STK33: variants seen among roughly 807,000 people sequenced by gnomAD.
The protein encoded by STK33 is serine/threonine kinase 33.
Under a neutral mutation model 58.0 loss-of-function variants are expected in STK33, and 52 were observed. That is an observed-to-expected ratio of 0.90 (90% CI 0.72 to 1.13). The LOEUF is 1.13. Among genes scored for constraint, STK33 ranks in the 50% most tolerant of loss-of-function variants. STK33 has a pLI of 0.00. For missense variants in STK33, 630 were observed against 604.2 expected (o/e 1.04, Z -0.45); for synonymous variants, 215 against 200.1 (o/e 1.07, Z -0.63).
chr11:8,492,772 T>C (rs1042606155), intron 1 of STK33, among the ~76,000 whole-genome samples: 1 of 152,074 alleles, frequency 6.6e-6, no homozygotes, highest in East Asian at 1.9e-4. Flanking sequence ...GCAATCAAAT[T>C]AGAACTCAGG....
intron 1 of STK33, among the ~76,000 whole-genome samples, chr11:8,558,940 C>G (rs1259374820): frequency 6.6e-6 from 1 of 152,206 alleles, no homozygotes; most frequent in Non-Finnish European, 1.5e-5. Context: ...GCACTCATTT[C>G]CCATTCCTCA....
intron 1 of STK33, among the ~76,000 whole-genome samples, chr11:8,580,571 T>C (rs2029960918): frequency 6.6e-6 from 1 of 152,080 alleles, no homozygotes; most frequent in Non-Finnish European, 1.5e-5. Flanking sequence ...CACAACAGGA[T>C]GACTATAGTC....
chr11:8,514,664 G>A (rs1301473756), intron 1 of STK33, among the ~76,000 whole-genome samples: 3 of 152,180 alleles, frequency 2.0e-5, no homozygotes, highest in African/African-American at 4.8e-5. Flanking sequence ...TTGAGTTGAC[G>A]TGATCCTGGA....
At chr11:8,376,688 C>T in the STK33 span, among the ~76,000 whole-genome samples, 2 of 152,000 alleles carry the variant, frequency 1.3e-5, no homozygotes, top group African/African-American at 4.8e-5. Flanking sequence ...ACTACAGGCA[C>T]CAGCCACCAT....
At chr11:8,415,468 T>C (rs1940980139) in intron 14 of STK33, among the ~76,000 whole-genome samples, 1 of 152,148 alleles carries the variant, frequency 6.6e-6, no homozygotes, top group Non-Finnish European at 1.5e-5. Context: ...ATGCAATTCA[T>C]CATGTTTCCA....
Position 8,392,659 on chromosome 11 carries a change from T to A in STK33, c.1396A>T (p.Met466Leu). 3.7e-6 allele frequency: 6 copies of A among 1,614,234 alleles called. No homozygotes were observed. Among genetic ancestry groups the A allele is most frequent in the Non-Finnish European group, 5.1e-6 (6 of 1,180,050 alleles). Reference protein sequence around the residue: ...FPATSKDNFDMCSSSFTSSKL... With the variant: ...FPATSKDNFDLCSSSFTSSKL... The stretch of plus-strand genomic sequence containing the variant: ...CTAGATGTGAAACTTGAACTGCACA[T>A]ATCAAAGTTGTCCTTACTGGTTGCA... The change falls in exon 16 of 16, where the codon ATG (methionine) becomes TTG (leucine). Residue 466 changes from methionine (M) to leucine (L), a missense_variant. By Grantham distance (15) the Met-to-Leu change is conservative. Transcript: ENST00000687296.
Position 8,424,503 on chromosome 11 carries a change from C to A in STK33, c.1147-10811G>T, listed in dbSNP as rs189446892. 2.0e-3 allele frequency among the ~76,000 whole-genome samples: 310 copies of A among 151,870 alleles called. 2 individuals are homozygous for A. The highest frequency in any genetic ancestry group is 7.0e-3 in the African/African-American group (289 of 41,424). On this transcript the variant is annotated intron_variant, in intron 14 of 15. Coordinates refer to ENST00000687296, the MANE Select transcript of STK33 (RefSeq NM_001352389.2). ...ATTTATAATCCTTTGGGTATATACC[C>A]AGTAATGGGATTGCTGGGTCAAATG...
chr11:8,473,747 T>C (rs1373309593), intron 5 of STK33, among the ~76,000 whole-genome samples: 2 of 152,066 alleles, frequency 1.3e-5, no homozygotes, highest in Non-Finnish European at 2.9e-5. Context: ...AAATCAGAAA[T>C]AACAGTCAAG....
intron 9 of STK33, 84 bp downstream of exon 9, chr11:8,457,251 ATATGAC>A: frequency 8.3e-7 from 1 of 1,197,938 alleles, no homozygotes; most frequent in Non-Finnish European, 1.1e-6. Context: ...GGTGTTATTT[ATATGAC>A]TATGAATCTG....
At chr11:8,536,972 A>ACT (rs1565305538) in intron 1 of STK33, among the ~76,000 whole-genome samples, 1 of 65,734 alleles carries the variant, frequency 1.5e-5, no homozygotes, top group South Asian at 7.6e-4. Flanking sequence ...AAAAAAAAAG[A>ACT]TTTTTTTTTT....
chr11:8,392,629 G>T lies in STK33; in HGVS notation c.1426C>A (p.Leu476Ile), dbSNP rs1848726500. 1 of 1,614,238 alleles carries T rather than the reference G, an allele frequency of 6.2e-7. No homozygotes were observed. The highest frequency in any genetic ancestry group is 1.3e-5 in the African/African-American group (1 of 75,052). Reference sequence around the variant, plus strand: ...TCTCCCTTGATTTCAGCTGGAAGGAGTTTGCTAGATGTGAAACTTGAACTG... The same window carrying T: ...TCTCCCTTGATTTCAGCTGGAAGGATTTTGCTAGATGTGAAACTTGAACTG... ...MCSSSFTSSK[L>I]LPAEIKGEME... Residue 476 changes from leucine to isoleucine, a missense_variant, in exon 16 of 16, where the codon CTC becomes ATC. Coordinates refer to ENST00000687296, the MANE Select transcript of STK33 (RefSeq NM_001352389.2).
chr11:8,388,588 T>G (rs1044045074), downstream of STK33, among the ~76,000 whole-genome samples: 2 of 152,206 alleles, frequency 1.3e-5, no homozygotes, highest in African/African-American at 2.4e-5. Flanking sequence ...GTGATTTCAG[T>G]GCTTGTAGAG....
At chr11:8,444,814 C>G (rs956167335) in intron 11 of STK33, among the ~76,000 whole-genome samples, 1 of 151,852 alleles carries the variant, frequency 6.6e-6, no homozygotes, top group South Asian at 2.1e-4. Context: ...AGCAGCAGAA[C>G]CAAAAAATTT....
intron 1 of STK33, among the ~76,000 whole-genome samples, chr11:8,582,625 C>T (rs80056492): frequency 2.0e-5 from 3 of 152,130 alleles, no homozygotes; most frequent in Admixed American, 6.6e-5. Flanking sequence ...TCCCTTGATA[C>T]GTGGGGATTA....
rs77081450 is a variant in STK33, at chr11:8,392,386, G to A, written c.*124C>T. The A allele has an allele frequency of 0.055, 60,410 of 1,094,364 alleles. 1,972 individuals carry two copies. Among genetic ancestry groups the A allele is most frequent in the South Asian group, 0.06 (4,047 of 67,138 alleles). The allele number at this position is 1,094,364 out of a possible 1,614,324, so 67.8% of individuals were successfully genotyped here. On this transcript the variant is annotated 3_prime_UTR_variant, in exon 16 of 16. Coordinates refer to ENST00000687296, the MANE Select transcript of STK33 (RefSeq NM_001352389.2). Reference sequence around the variant, plus strand: ...TTTTAAGCTGGTGCAAACACATGGCGGGGCTCTGTGGAGCTAAAAGGCTAC... The same window carrying A: ...TTTTAAGCTGGTGCAAACACATGGCAGGGCTCTGTGGAGCTAAAAGGCTAC...
At chr11:8,501,648 G>C (rs1951523715) in intron 1 of STK33, among the ~76,000 whole-genome samples, 1 of 152,104 alleles carries the variant, frequency 6.6e-6, no homozygotes, top group Admixed American at 6.6e-5. Flanking sequence ...TCCTCAAAAA[G>C]TAAAACACAT....
intron 1 of STK33, among the ~76,000 whole-genome samples, chr11:8,558,400 C>T (rs1207861123): frequency 3.1e-5 from 1 of 32,520 alleles, no homozygotes; most frequent in Non-Finnish European, 6.1e-5. Context: ...GTCAGTGATA[C>T]ACACACACAC....
chr11:8,422,926 G>C (rs1942142480), intron 14 of STK33, among the ~76,000 whole-genome samples: 1 of 151,216 alleles, frequency 6.6e-6, no homozygotes, highest in South Asian at 2.1e-4. Flanking sequence ...CCTAGACTCA[G>C]GTAATCCTCC....
chr11:8,540,456 T>C (rs1348180854), intron 1 of STK33, among the ~76,000 whole-genome samples: 2 of 152,016 alleles, frequency 1.3e-5, no homozygotes, highest in Non-Finnish European at 2.9e-5. Context: ...CTAGCCTGGG[T>C]GACAGAGCAA....
Sources: gnomAD v4.1 joint callset for allele counts (sites outside exome capture counted in the v4.1 genomes callset) on GRCh38, gnomAD v4.1.1 for gene constraint, MANE v1.5 for transcripts, NCBI Gene and HGNC (gene_info 2026-07-23, HGNC 2026-07-21) for gene names.